Variants in LPIN1 observed in about 807,000 individuals in gnomAD.
LPIN1 encodes phosphatidate phosphatase LPIN1.
LPIN1 carries 71 observed loss-of-function variants against 107.5 expected under a neutral mutation model. The observed-to-expected ratio is 0.66, with a 90% CI of 0.55 to 0.80. LPIN1 has a LOEUF of 0.80. Ranked by LOEUF, LPIN1 falls within the 30% of genes least tolerant of loss-of-function variation. The pLI is 0.00. For synonymous variants in LPIN1, 445 were observed against 452.6 expected (o/e 0.98, Z 0.21); for missense variants, 1,043 against 1,160.6 (o/e 0.90, Z 1.47).
chr2:11,781,026 T>C (rs564649154), intron 7 of LPIN1, among the ~76,000 whole-genome samples: 1 of 152,378 alleles, frequency 6.6e-6, no homozygotes, highest in Non-Finnish European at 1.5e-5. Context: ...TCTTGAATTA[T>C]GTTATTATAT....
At chr2:11,820,346 A>G (rs889751693) in intron 19 of LPIN1, 65 bp from the exon 20 acceptor site, 5 of 1,050,534 alleles carry the variant, frequency 4.8e-6, no homozygotes, top group South Asian at 1.3e-5. Flanking sequence ...CAGAAATACC[A>G]TGGACTTGTT....
chr2:11,812,226 C>T (rs1306042984), intron 17 of LPIN1, among the ~76,000 whole-genome samples: 1 of 152,180 alleles, frequency 6.6e-6, no homozygotes, highest in Non-Finnish European at 1.5e-5. Flanking sequence ...CAAATATTCA[C>T]TAAATGTCTG....
At chr2:11,698,970 C>T (rs567934616) in intron 1 of LPIN1, among the ~76,000 whole-genome samples, 11 of 152,298 alleles carry the variant, frequency 7.2e-5, no homozygotes, top group Admixed American at 3.3e-4. Context: ...ACCAATGGTC[C>T]GCTGGCCGTA....
intron 18 of LPIN1, 104 bp downstream of exon 18, chr2:11,815,344 C>G: frequency 7.4e-7 from 1 of 1,356,774 alleles, no homozygotes; most frequent in East Asian, 2.4e-5. Context: ...GTCTTCTGCC[C>G]CAATATCCAT....
chr2:11,826,711 T>G lies in LPIN1; in HGVS notation c.*1920T>G, dbSNP rs1232672519. The G allele has an allele frequency of 6.6e-6, 1 of 152,162 alleles. No homozygotes were observed. The highest frequency in any genetic ancestry group is 1.5e-5 in the Non-Finnish European group (1 of 68,034). 9.4% of individuals were successfully genotyped at this position (152,162 alleles called of 1,614,324 possible). A position where few individuals can be genotyped will look rare whatever the true frequency, so the allele number is the denominator to read the frequency against. ...TCTCCTTTGCACCCAGGAGGAACTT[T>G]GGCTGCGAGAATGGGGGGATGTATC... On this transcript the variant is annotated 3_prime_UTR_variant, in exon 21 of 21. Transcript: ENST00000674199.
rs1259772233 is a variant in LPIN1, at chr2:11,825,474, T to G, written c.*683T>G. On this transcript the variant is annotated 3_prime_UTR_variant, in exon 21 of 21. Coordinates refer to ENST00000674199, the MANE Select transcript of LPIN1 (RefSeq NM_001349206.2). This position sits in a 1 kb window ranked among gnomAD's most constrained non-coding sequence, Gnocchi z 4.1. ...ATTTCATTGGCATATCTCCCCCCAG[T>G]TTTTGTGGCTCAAGGCTGGAATATT... 2.0e-5 allele frequency: 3 copies of G among 152,956 alleles called. No individual in the cohort carries two copies. The highest frequency in any genetic ancestry group is 7.2e-5 in the African/African-American group (3 of 41,458). The allele number at this position is 152,956 out of a possible 1,614,324, so 9.5% of individuals were successfully genotyped here. A position where few individuals can be genotyped will look rare whatever the true frequency, so the allele number is the denominator to read the frequency against.
intron 20 of LPIN1, 151 bp from the exon 21 acceptor site, chr2:11,824,481 C>T (rs891064663): frequency 1.6e-5 from 12 of 738,572 alleles, no homozygotes; most frequent in South Asian, 3.2e-5. Flanking sequence ...TTCAATTAAT[C>T]GATAACAAAT....
intron 1 of LPIN1, among the ~76,000 whole-genome samples, chr2:11,692,656 G>C (rs1426704310): frequency 7.0e-6 from 1 of 143,636 alleles, no homozygotes; most frequent in Non-Finnish European, 1.5e-5. Flanking sequence ...CCCACCTGCT[G>C]TCTCCTCTGC....
chr2:11,712,703 T>C (rs1037202204), intron 1 of LPIN1, among the ~76,000 whole-genome samples: 1 of 152,156 alleles, frequency 6.6e-6, no homozygotes, highest in Non-Finnish European at 1.5e-5. Flanking sequence ...TTTAGGGGCT[T>C]CTGGGGCTGT....
In LPIN1 at chr2:11,802,935, G is replaced by T; in HGVS notation, c.1915G>T (p.Glu639Ter). ...AAAGCATGAATCATCCTCCAGTGAT[G>T]AGGAGCGCGCAGCTGCCAAGCCATC... is the stretch of plus-strand genomic sequence containing the variant. ...RVKHESSSSD[E>*]ERAAAKPSNA... is the part of the protein sequence containing the mutation. Residue 639 changes from glutamate (E) to a stop codon, truncating the protein, a stop_gained, in exon 15 of 21, where the codon GAG becomes TAG. Transcript: ENST00000674199. LOFTEE classifies it high-confidence loss of function. The T allele has an allele frequency of 6.2e-7, 1 of 1,613,464 alleles. No individual in the cohort carries two copies. The highest frequency in any genetic ancestry group is 8.5e-7 in the Non-Finnish European group (1 of 1,180,028).
intron 14 of LPIN1, among the ~76,000 whole-genome samples, chr2:11,799,502 A>G (rs1677310719): frequency 6.6e-6 from 1 of 151,806 alleles, no homozygotes; most frequent in Non-Finnish European, 1.5e-5. Context: ...AGCATTTGCC[A>G]GGCTGTACCA....
rs779537584 is a variant in LPIN1, at chr2:11,805,125, G to T, written c.2218G>T (p.Gly740Cys). Residue 740 changes from glycine to cysteine, a missense_variant, in exon 17 of 21, where the codon GGC becomes TGC. Physicochemically the swap from Gly to Cys is radical, Grantham distance 159. Transcript: ENST00000674199. The part of the protein sequence containing the change: ...PTLGKDWTHQ[G>C]IAKLYHKVSQ... ...CCTTGGGAAGGATTGGACCCATCAG[G>T]GCATCGCTAAGCTGTACCATAAAGT... 1 of 1,614,030 alleles carries T rather than the reference G, an allele frequency of 6.2e-7. No homozygotes were observed. Among genetic ancestry groups the T allele is most frequent in the East Asian group, 2.2e-5 (1 of 44,880 alleles).
At chr2:11,781,830 A>G (rs1382410348) in intron 7 of LPIN1, among the ~76,000 whole-genome samples, 1 of 152,158 alleles carries the variant, frequency 6.6e-6, no homozygotes, top group Non-Finnish European at 1.5e-5. Flanking sequence ...TTAGCAACAG[A>G]GATTAGTTTT....
upstream of LPIN1, chr2:11,724,066 C>T (rs1664359115): frequency 6.6e-6 from 1 of 152,188 alleles, no homozygotes; most frequent in African/African-American, 2.4e-5. Flanking sequence ...AGTTAGCTTG[C>T]TATGAATTCA....
At chr2:11,759,131 T>G (rs1292834105) in intron 1 of LPIN1, among the ~76,000 whole-genome samples, 19 of 134,050 alleles carry the variant, frequency 1.4e-4, no homozygotes, top group African/African-American at 2.2e-4. Context: ...TTGCTTTCTT[T>G]CTTTTCTTTC....
rs1662664517 is a variant in LPIN1, at chr2:11,697,817, C to T, written c.82-15939C>T. On this transcript the variant is annotated intron_variant, in intron 1 of 21. Transcript: ENST00000449576. The surrounding 1 kb of genome is among the most constrained non-coding windows in gnomAD (Gnocchi z 4.6). ...ATTTACAACCCCCTCCTCCCCATCT[C>T]ACCAGGCCAGGGAACAAGCCCTACC... Among the ~76,000 whole-genome samples the T allele has an allele frequency of 2.0e-5, 3 of 152,290 alleles. No individual in the cohort carries two copies. The South Asian group carries it at 6.2e-4, about 32-fold the overall frequency.
chr2:11,710,346 A>G (rs998304251), intron 1 of LPIN1, among the ~76,000 whole-genome samples: 3 of 152,196 alleles, frequency 2.0e-5, no homozygotes, highest in Non-Finnish European at 2.9e-5. Flanking sequence ...AAAGGAAGAA[A>G]GAAATCAAGA....
At chr2:11,751,944 G>A (rs1481310597) in intron 1 of LPIN1, among the ~76,000 whole-genome samples, 1 of 152,138 alleles carries the variant, frequency 6.6e-6, no homozygotes, top group Non-Finnish European at 1.5e-5. Context: ...ACATTTTCAT[G>A]TTAATATTTA....
At chr2:11,689,770 T>G (rs1474567559) in intron 1 of LPIN1, among the ~76,000 whole-genome samples, 2 of 152,052 alleles carry the variant, frequency 1.3e-5, no homozygotes, top group Non-Finnish European at 2.9e-5. Flanking sequence ...CTGAGTGTTG[T>G]GGCGGGTGCC....
Sources: allele counts gnomAD v4.1 joint callset (sites outside exome capture counted in the v4.1 genomes callset), GRCh38; gene constraint gnomAD v4.1.1; non-coding constraint Gnocchi (gnomAD v3.1); transcripts MANE v1.5; gene names NCBI Gene and HGNC (gene_info 2026-07-23, HGNC 2026-07-21).